Variants in TBK1 observed in about 807,000 individuals in gnomAD.
The protein encoded by TBK1 is TANK binding kinase 1.
A neutral mutation model predicts 99.9 loss-of-function variants in TBK1; 37 were observed. The observed-to-expected ratio is 0.37, with a 90% confidence interval of 0.28 to 0.49. The LOEUF is 0.49. Among genes scored for constraint, TBK1 ranks in the 20% least tolerant of loss-of-function variants. TBK1 has a pLI of 0.98. For synonymous variants in TBK1, 258 were observed against 279.8 expected (o/e 0.92, Z 0.78); for missense variants, 644 against 872.5 (o/e 0.74, Z 3.30).
At chr12:64,479,681 C>G (rs1231989277) in intron 6 of TBK1, among the ~76,000 whole-genome samples, 1 of 152,034 alleles carries the variant, frequency 6.6e-6, no homozygotes, top group Non-Finnish European at 1.5e-5. Context: ...TAGAGACATT[C>G]TGTGACACAA....
intron 12 of TBK1, among the ~76,000 whole-genome samples, chr12:64,489,748 T>TTTC (rs2040851533): frequency 6.6e-6 from 1 of 151,550 alleles, no homozygotes; most frequent in African/African-American, 2.4e-5. Flanking sequence ...TTTTTTTTTT[T>TTTC]TGTATTTTTA....
chr12:64,497,201 C>A lies in TBK1; in HGVS notation c.1901C>A (p.Thr634Asn). 1.3e-6 allele frequency: 2 copies of A among 1,599,470 alleles called. No homozygotes were observed. The highest frequency in any genetic ancestry group is 1.7e-5 in the Admixed American group (1 of 58,342). ...CTTAGGAAACAGTTATTATCGCTGA[C>A]TAATCAGTGTTTTGATATTGAAGAA... ...LHLRKQLLSL[T>N]NQCFDIEEEV... The change falls in exon 18 of 21, where the codon ACT (threonine) becomes AAT (asparagine). Residue 634 changes from threonine to asparagine, a missense_variant. Transcript: ENST00000331710.
intron 20 of TBK1, among the ~76,000 whole-genome samples, chr12:64,499,058 TCCCCCGAGACGGAG>T (rs1565825430): frequency 6.8e-5 from 9 of 133,234 alleles, no homozygotes; most frequent in South Asian, 2.6e-4. Flanking sequence ...TTTTTTTTTT[TCCCCCGAGACGGAG>T]TTTCGCTGTT....
At chr12:64,501,302 C>T (rs2040985714) in intron 20 of TBK1, 28 bp from the exon 21 acceptor site, 1 of 1,611,776 alleles carries the variant, frequency 6.2e-7, no homozygotes, top group Admixed American at 1.7e-5. Flanking sequence ...TTTGAGATTA[C>T]CTTTTTTTCT....
chr12:64,456,029 A>G lies in TBK1; in HGVS notation c.87+72A>G, dbSNP rs566092015. 4.8e-4 allele frequency: 517 copies of G among 1,075,564 alleles called. 6 individuals carry two copies. The South Asian group carries it at 6.3e-3, about 13-fold the overall frequency. 66.6% of individuals were successfully genotyped at this position (1,075,564 alleles called of 1,614,324 possible). On this transcript the variant is annotated intron_variant, in intron 2 of 20. Transcript: ENST00000331710. ...TTGTTCTAAGATGCATGTTGACACT[A>G]AAGTGTGTGACTTGGTGATTTTGAT...
chr12:64,497,464 GTTTC>G (rs2040940315), intron 18 of TBK1, among the ~76,000 whole-genome samples, 180 bp from the exon 19 acceptor site: 1 of 151,950 alleles, frequency 6.6e-6, no homozygotes, highest in Non-Finnish European at 1.5e-5. Flanking sequence ...TGTATGAAAA[GTTTC>G]TTTCTTAAAA....
rs758061744 is a variant in TBK1, at chr12:64,460,180, T to C, written c.88-9T>C. The C allele has an allele frequency of 6.8e-7, 1 of 1,473,504 alleles. No homozygotes were observed. The highest frequency in any genetic ancestry group is 9.1e-7 in the Non-Finnish European group (1 of 1,096,022). 91.3% of individuals were successfully genotyped at this position (1,473,504 alleles called of 1,614,324 possible). On this transcript the variant is annotated splice_polypyrimidine_tract_variant and intron_variant, in intron 2 of 20. Coordinates refer to ENST00000331710, the MANE Select transcript of TBK1 (RefSeq NM_013254.4). ...GAATAAATAAAACATTTCTCTCTCTTTTTTAAAGAAAACTGGTGATTTATT... is the reference window on the plus strand; with the variant it reads ...GAATAAATAAAACATTTCTCTCTCTCTTTTAAAGAAAACTGGTGATTTATT...
chr12:64,454,662 A>G (rs1404995249), intron 1 of TBK1, among the ~76,000 whole-genome samples: 1 of 148,154 alleles, frequency 6.7e-6, no homozygotes, highest in East Asian at 2.0e-4. Context: ...ATATTGCTAG[A>G]AACTCAGATC....
Position 64,497,199 on chromosome 12 carries a change from G to A in TBK1, c.1899G>A (p.Leu633=), listed in dbSNP as rs1396860170. The change falls in exon 18 of 21, where the codon CTG becomes CTA. Residue 633 remains leucine (L), a synonymous_variant. Transcript: ENST00000331710. The part of the protein sequence containing the change: ...MLHLRKQLLS[L]TNQCFDIEEE... ...ATCTTAGGAAACAGTTATTATCGCT[G>A]ACTAATCAGTGTTTTGATATTGAAG... 3.1e-6 allele frequency: 5 copies of A among 1,600,344 alleles called. No individual in the cohort carries two copies. The East Asian group carries it at 1.1e-4, about 36-fold the overall frequency.
intron 13 of TBK1, among the ~76,000 whole-genome samples, chr12:64,495,057 T>C (rs2040911392): frequency 6.6e-6 from 1 of 152,102 alleles, no homozygotes. Flanking sequence ...TTAAGAGGAG[T>C]TGCTTTGGTT....
At chr12:64,455,800 C>A in intron 1 of TBK1, 40 bp from the exon 2 acceptor site, 1 of 1,053,392 alleles carries the variant, frequency 9.5e-7, no homozygotes, top group Non-Finnish European at 1.4e-6. Context: ...AGCTGTGTTA[C>A]TCCCTTAAAA....
In TBK1 at chr12:64,466,903, G is replaced by A. The variant is rs562577505; in HGVS notation, c.361G>A (p.Gly121Ser). 6.4e-7 allele frequency: 1 copy of A among 1,568,050 alleles called. No individual in the cohort carries two copies. The highest frequency in any genetic ancestry group is 1.4e-5 in the African/African-American group (1 of 73,130). ...EFLIVLRDVV[G>S]GMNHLRENGI... ...TCTTTTGTTTTATATTGTTGAAGTG[G>A]GTGGAATGAATCATCTACGAGAGAA... is the stretch of plus-strand genomic sequence containing the variant. Residue 121 changes from glycine (G) to serine (S), a missense_variant and splice_region_variant, in exon 5 of 21, where the codon GGT (glycine) becomes AGT (serine). This residue lies in a region of TBK1 where 148 missense variants were observed against 202.1 expected (regional missense o/e 0.73). Transcript: ENST00000331710.
intron 1 of TBK1, 106 bp from the exon 2 acceptor site, chr12:64,455,734 G>C (rs949168159): frequency 3.0e-5 from 19 of 627,212 alleles, no homozygotes; most frequent in Non-Finnish European, 4.8e-5. Flanking sequence ...CTTCATGTCA[G>C]TAACAGATAA....
chr12:64,464,832 A>G (rs1456204410), intron 4 of TBK1, among the ~76,000 whole-genome samples: 2 of 152,240 alleles, frequency 1.3e-5, no homozygotes, highest in African/African-American at 4.8e-5. Flanking sequence ...GCTAACAAGT[A>G]CATAAAAAAA....
intron 5 of TBK1, 120 bp from the exon 6 acceptor site, chr12:64,474,110 G>T: frequency 1.1e-6 from 1 of 943,050 alleles, no homozygotes; most frequent in Non-Finnish European, 1.5e-6. Context: ...TTTTCAGATT[G>T]GGAAAGTGAA....
chr12:64,482,289 T>TA (rs752056364), intron 8 of TBK1, among the ~76,000 whole-genome samples: 54 of 152,326 alleles, frequency 3.5e-4, no homozygotes, highest in Middle Eastern at 6.8e-3. Flanking sequence ...TCTTTCAAGT[T>TA]ACATAATCAC....
At chr12:64,481,379 T>C (rs1427208476) in intron 7 of TBK1, among the ~76,000 whole-genome samples, 1 of 152,190 alleles carries the variant, frequency 6.6e-6, no homozygotes, top group Non-Finnish European at 1.5e-5. Context: ...ATTGCTTAGA[T>C]GCCAGAAAGT....
chr12:64,464,995 G>A (rs561654323), intron 4 of TBK1, among the ~76,000 whole-genome samples: 2 of 152,198 alleles, frequency 1.3e-5, no homozygotes, highest in African/African-American at 4.8e-5. Flanking sequence ...TGTAATCCCA[G>A]CACTTTAGGA....
Position 64,496,933 on chromosome 12 carries a change from T to C in TBK1, c.1761-16T>C, listed in dbSNP as rs767482140. The stretch of plus-strand genomic sequence containing the variant: ...AGTGACATTGGTTTAAGCCTCTGAT[T>C]ATTTCTAAATTACAGGCAAAAACTG... On this transcript the variant is annotated splice_polypyrimidine_tract_variant and intron_variant, in intron 16 of 20. Transcript: ENST00000331710. 5 of 1,585,536 alleles carry C rather than the reference T, an allele frequency of 3.2e-6. No individual in the cohort carries two copies. The highest frequency in any genetic ancestry group is 4.3e-6 in the Non-Finnish European group (5 of 1,159,672).
Sources: allele counts gnomAD v4.1 joint callset (sites outside exome capture counted in the v4.1 genomes callset), GRCh38; gene constraint gnomAD v4.1.1; regional missense constraint gnomAD v4.1.1; transcripts MANE v1.5; gene names NCBI Gene and HGNC (gene_info 2026-07-23, HGNC 2026-07-21).